The following KCNB2 variants were observed in gnomAD, a reference collection of about 807,000 sequenced individuals.
KCNB2 encodes the protein potassium voltage-gated channel subfamily B member 2.
A neutral mutation model predicts 61.5 loss-of-function variants in KCNB2; 15 were observed. That is an observed-to-expected ratio of 0.24 (90% CI 0.16 to 0.38). The LOEUF (loss-of-function observed/expected upper bound fraction) is 0.38, where lower values mean the gene tolerates loss of function less well. KCNB2 is among the 10% of genes least tolerant of loss of function. KCNB2 has a pLI of 1.00. For synonymous variants in KCNB2, 457 were observed against 446.0 expected (o/e 1.02, Z -0.31); for missense variants, 828 against 1,125.2 (o/e 0.74, Z 3.78).
Position 72,567,941 on chromosome 8 carries a change from A to G in KCNB2, c.207A>G (p.Thr69=). 6.2e-7 allele frequency: 1 copy of G among 1,613,874 alleles called. No homozygotes were observed. Among genetic ancestry groups the G allele is most frequent in the Admixed American group, 1.7e-5 (1 of 59,990 alleles). Residue 69 remains threonine, a synonymous_variant, in exon 2 of 3, where the codon ACA becomes ACG. Transcript: ENST00000523207. ...TGGGGAAGCTTCGAGACTGCAACAC[A>G]CACGAGAGCCTCCTGGAAGTGTGCG... ...TRLGKLRDCN[T]HESLLEVCDD...
At chr8:72,751,049 A>C (rs538454782) in intron 2 of KCNB2, 1 of 152,240 alleles carries the variant, frequency 6.6e-6, no homozygotes, top group African/African-American at 2.4e-5. Flanking sequence ...TGCCTGTATC[A>C]GGGGTCAGGC....
At chr8:72,576,120 T>C (rs2128979789) in intron 2 of KCNB2, among the ~76,000 whole-genome samples, 1 of 152,358 alleles carries the variant, frequency 6.6e-6, no homozygotes, top group South Asian at 2.1e-4. Flanking sequence ...AAACAGCTGC[T>C]AAAGTACAAT....
rs79082895 is a variant in KCNB2, at chr8:72,667,008, A to T, written c.579+98695A>T. On this transcript the variant is annotated intron_variant, in intron 2 of 2. Coordinates refer to ENST00000523207, the MANE Select transcript of KCNB2 (RefSeq NM_004770.3). ...AAGTGTGTGTGTGTGTGTGTGTGTG[A>T]GAGAGAGAGAGTGACAGAGAGGGAT... is the stretch of plus-strand genomic sequence containing the variant. Among the ~76,000 whole-genome samples, 231 of 119,848 alleles carry T rather than the reference A, an allele frequency of 1.9e-3. 2 individuals carry two copies. The highest frequency in any genetic ancestry group is 0.014 in the South Asian group (54 of 3,838). 78.6% of individuals were successfully genotyped at this position (119,848 alleles called of 152,430 possible).
intron 2 of KCNB2, among the ~76,000 whole-genome samples, chr8:72,649,284 T>A (rs996410033): frequency 2.6e-5 from 4 of 152,188 alleles, no homozygotes; most frequent in African/African-American, 4.8e-5. Context: ...TTGGTCTAAA[T>A]GTCTCTGTGA....
intron 2 of KCNB2, among the ~76,000 whole-genome samples, chr8:72,648,733 G>T (rs921028784): frequency 6.6e-6 from 1 of 151,924 alleles, no homozygotes; most frequent in African/African-American, 2.4e-5. Flanking sequence ...TATTAGTCTA[G>T]CTGGAAAAAT....
rs574228605 is a variant in KCNB2, at chr8:72,616,346, A to G, written c.579+48033A>G. ...TGCTTATGGCTAGTGGAAGCTAACA[A>G]CAAAACAGTGTCACATATAATAACC... On this transcript the variant is annotated intron_variant, in intron 2 of 2. Transcript: ENST00000523207. 1.3e-3 allele frequency among the ~76,000 whole-genome samples: 192 copies of G among 152,360 alleles called. 1 individual carries two copies. Among genetic ancestry groups the G allele is most frequent in the Non-Finnish European group, 2.2e-3 (149 of 68,032 alleles).
chr8:72,782,150 C>T (rs1396193543), intron 2 of KCNB2, among the ~76,000 whole-genome samples: 2 of 152,004 alleles, frequency 1.3e-5, no homozygotes, highest in African/African-American at 4.8e-5. Flanking sequence ...AAATGAAAGG[C>T]CACCCTTTCC....
chr8:72,745,409 A>T (rs1212208917), intron 2 of KCNB2, among the ~76,000 whole-genome samples: 1 of 152,126 alleles, frequency 6.6e-6, no homozygotes, highest in African/African-American at 2.4e-5. Flanking sequence ...CTCATGACCA[A>T]CTGGCCACAA....
In KCNB2 at chr8:72,749,618, T is replaced by C. The variant is rs542655907; in HGVS notation, c.579+181305T>C. Reference sequence around the variant, plus strand: ...CCTACTTATTATTGCCTAGAACTATTCAGACAAGAGAGGTAACATTTTACA... The same window carrying C: ...CCTACTTATTATTGCCTAGAACTATCCAGACAAGAGAGGTAACATTTTACA... On this transcript the variant is annotated intron_variant, in intron 2 of 2. Coordinates refer to ENST00000523207, the MANE Select transcript of KCNB2 (RefSeq NM_004770.3). Among the ~76,000 whole-genome samples the C allele has an allele frequency of 4.0e-5, 6 of 150,972 alleles. 1 individual carries two copies. Among genetic ancestry groups the C allele is most frequent in the African/African-American group, 1.5e-4 (6 of 41,276 alleles).
chr8:72,608,023 C>A (rs896032653), intron 2 of KCNB2, among the ~76,000 whole-genome samples: 1 of 152,122 alleles, frequency 6.6e-6, no homozygotes, highest in African/African-American at 2.4e-5. Flanking sequence ...CAGATAATGT[C>A]CTGCCTAATG....
At chr8:72,809,757 T>C (rs1809277497) in intron 2 of KCNB2, among the ~76,000 whole-genome samples, 2 of 152,214 alleles carry the variant, frequency 1.3e-5, no homozygotes, top group African/African-American at 4.8e-5. Context: ...AATCAGACCT[T>C]CCACCTTAAA....
At chr8:72,791,122 T>C (rs1305796669) in intron 2 of KCNB2, among the ~76,000 whole-genome samples, 3 of 152,120 alleles carry the variant, frequency 2.0e-5, no homozygotes. Context: ...GAGTGATTAG[T>C]ATGAGGCAAG....
chr8:72,574,810 A>G (rs1242613996), intron 2 of KCNB2, among the ~76,000 whole-genome samples: 5 of 152,136 alleles, frequency 3.3e-5, no homozygotes, highest in African/African-American at 9.7e-5. Context: ...CACTGCTTTG[A>G]TTATTAGTGG....
intron 2 of KCNB2, among the ~76,000 whole-genome samples, chr8:72,793,903 G>C (rs902578587): frequency 6.6e-6 from 1 of 152,170 alleles, no homozygotes; most frequent in African/African-American, 2.4e-5. Context: ...TTCAACATTT[G>C]ATTTCTCTAG....
chr8:72,698,107 C>G (rs902736134), intron 2 of KCNB2, among the ~76,000 whole-genome samples: 22 of 152,242 alleles, frequency 1.4e-4, no homozygotes, highest in African/African-American at 5.1e-4. Context: ...CCTAGTAAAC[C>G]TTAAAGACTG....
intron 2 of KCNB2, among the ~76,000 whole-genome samples, chr8:72,658,609 A>C (rs940724654): frequency 6.6e-6 from 1 of 152,188 alleles, no homozygotes; most frequent in Non-Finnish European, 1.5e-5. Flanking sequence ...TTGGAAGAAA[A>C]TGCTATCTAG....
chr8:72,592,089 C>A (rs1443243062), intron 2 of KCNB2, among the ~76,000 whole-genome samples: 1 of 152,096 alleles, frequency 6.6e-6, no homozygotes, highest in African/African-American at 2.4e-5. Context: ...TATATTTAGG[C>A]TCTTGTGAGC....
chr8:72,748,279 A>G (rs1383140007), intron 2 of KCNB2, among the ~76,000 whole-genome samples: 1 of 152,122 alleles, frequency 6.6e-6, no homozygotes. Flanking sequence ...TTTCCTTCTG[A>G]AGACACTTAC....
chr8:72,567,600 T>C (rs1806643258), intron 1 of KCNB2, 42 bp from the exon 2 acceptor site: 1 of 645,228 alleles, frequency 1.5e-6, no homozygotes, highest in Non-Finnish European at 2.7e-6. Flanking sequence ...AGAAACACTC[T>C]AGGAAAATGC....
Sources: gnomAD v4.1 joint callset for allele counts (sites outside exome capture counted in the v4.1 genomes callset) on GRCh38, gnomAD v4.1.1 for gene constraint, MANE v1.5 for transcripts, NCBI Gene and HGNC (gene_info 2026-07-23, HGNC 2026-07-21) for gene names.